The following WNK3 variants were observed in gnomAD, a reference collection of about 807,000 sequenced individuals.
WNK3 encodes WNK lysine deficient protein kinase 3.
A neutral mutation model predicts 116.7 loss-of-function variants in WNK3; 18 were observed. The ratio of observed to expected loss-of-function variants is 0.15; its 90% CI spans 0.11 to 0.23. WNK3 has a LOEUF of 0.23. Among genes scored for constraint, WNK3 ranks in the 10% least tolerant of loss-of-function variants. The pLI is 1.00. For missense variants in WNK3, 993 were observed against 1,323.8 expected (o/e 0.75, Z 3.88); for synonymous variants, 404 against 469.4 (o/e 0.86, Z 1.80).
Position 54,300,799 on chromosome X carries a change from G to T in WNK3, c.1178+972C>A, listed in dbSNP as rs151222114. ...TAAAAATGGGCAAAAGAGTTGAATA[G>T]ATATTTCTGCAAAGATATACAAATG... On this transcript the variant is annotated intron_variant, in intron 6 of 23. Transcript: ENST00000354646. Among the ~76,000 whole-genome samples the T allele has an allele frequency of 4.8e-3, 537 of 111,907 alleles. 3 individuals are homozygous for T. The highest frequency in any genetic ancestry group is 0.016 in the African/African-American group (505 of 30,867).
intron 22 of WNK3, 80 bp from the exon 23 acceptor site, chrX:54,202,273 A>C: frequency 2.1e-6 from 2 of 952,397 alleles, no homozygotes; most frequent in Non-Finnish European, 2.9e-6. Context: ...TTGGCCAACA[A>C]AGCAGTTAAC....
intron 1 of WNK3, among the ~76,000 whole-genome samples, chrX:54,349,622 T>C (rs782301661): frequency 2.7e-5 from 3 of 111,981 alleles, no homozygotes; most frequent in African/African-American, 9.7e-5. Flanking sequence ...GACAAGCTGA[T>C]CCTCTAAAGA....
intron 18 of WNK3, 98 bp from the exon 19 acceptor site, chrX:54,238,570 T>A: frequency 1.2e-6 from 1 of 845,466 alleles, no homozygotes; most frequent in Non-Finnish European, 1.6e-6. Context: ...AGAAAAAGCT[T>A]AACTCCTGCT....
chrX:54,337,444 T>C (rs1483683517), intron 1 of WNK3, among the ~76,000 whole-genome samples: 5 of 108,461 alleles, frequency 4.6e-5, no homozygotes, highest in African/African-American at 1.3e-4. Context: ...GCCTGTAATC[T>C]CAGCTACTCA....
intron 8 of WNK3, 62 bp downstream of exon 8, chrX:54,294,491 A>C (rs1603391857): frequency 1.1e-6 from 1 of 934,688 alleles, no homozygotes; most frequent in East Asian, 3.3e-5. Context: ...CCTTCAAAAT[A>C]AATAAAGATT....
intron 10 of WNK3, among the ~76,000 whole-genome samples, chrX:54,266,607 G>C (rs182900307): frequency 8.3e-4 from 92 of 110,494 alleles, no homozygotes; most frequent in African/African-American, 3.0e-3. Flanking sequence ...ATGTGATTAA[G>C]ACTCACTGCA....
chrX:54,276,550 T>C (rs1557160985), intron 10 of WNK3, among the ~76,000 whole-genome samples: 1 of 110,825 alleles, frequency 9.0e-6, no homozygotes, highest in African/African-American at 3.3e-5. Flanking sequence ...TCAAACAATG[T>C]ATGCAAAGAA....
rs781819338 is a variant in WNK3, at chrX:54,308,021, A to G, written c.990T>C (p.Asp330=). 8 of 1,205,916 alleles carry G rather than the reference A, an allele frequency of 6.6e-6. No individual in the cohort carries two copies. In the Admixed American group the frequency reaches 1.5e-4, roughly 23 times the overall value. Residue 330 remains aspartate, a synonymous_variant, in exon 5 of 24, where the codon GAT becomes GAC. Transcript: ENST00000354646. ...GCATACACATTCCAAAAGCATAAAC[A>G]TCTACGGATTCATCATAGTGTTCTT...
chrX:54,259,136 ACTATCGTCTTTATT>A, intron 11 of WNK3, 124 bp downstream of exon 11: 1 of 320,970 alleles, frequency 3.1e-6, no homozygotes, highest in Non-Finnish European at 5.3e-6. Context: ...AAAAAAAAAA[ACTATCGTCTTTATT>A]AAACATCCAC....
At chrX:54,356,543 A>T (rs1186058327) in intron 1 of WNK3, among the ~76,000 whole-genome samples, 1 of 111,438 alleles carries the variant, frequency 9.0e-6, no homozygotes, top group Non-Finnish European at 1.9e-5. Context: ...GAGTTTAAAC[A>T]ATTTTTAAAC....
intron 15 of WNK3, among the ~76,000 whole-genome samples, chrX:54,250,578 C>T (rs2068118343): frequency 1.8e-5 from 2 of 111,927 alleles, no homozygotes; most frequent in African/African-American, 6.5e-5. Context: ...ATCTTAACTG[C>T]TACTTTGTAA....
At chrX:54,338,197 G>A (rs1022245804) in intron 1 of WNK3, among the ~76,000 whole-genome samples, 16 of 111,049 alleles carry the variant, frequency 1.4e-4, no homozygotes, top group East Asian at 5.6e-4. Flanking sequence ...AGGGCAGGCC[G>A]GTTACCTGAG....
At chrX:54,234,859 A>C (rs1173547341) in intron 20 of WNK3, among the ~76,000 whole-genome samples, 3 of 110,591 alleles carry the variant, frequency 2.7e-5, no homozygotes, top group African/African-American at 6.5e-5. Context: ...CCAAACCAAA[A>C]CAAAACAAAA....
rs148763805 is a variant in WNK3, at chrX:54,210,092, A to G, written c.4871-7899T>C. 4.8e-3 allele frequency among the ~76,000 whole-genome samples: 536 copies of G among 111,473 alleles called. 2 individuals are homozygous for G. The highest frequency in any genetic ancestry group is 0.016 in the African/African-American group (504 of 30,757). On this transcript the variant is annotated intron_variant, in intron 22 of 23. Coordinates refer to ENST00000354646, the Ensembl canonical transcript of WNK3. ...GCTAAGGCCAACAAATGTGTCCACC[A>G]ATCTTGGCCAAATGGGAAAAAGATG...
At chrX:54,301,242 C>CA (rs782232400) in intron 6 of WNK3, among the ~76,000 whole-genome samples, 430 of 34,423 alleles carry the variant, frequency 0.012, 4 homozygotes, top group South Asian at 0.024. Flanking sequence ...GACTCTGTCT[C>CA]AAAAAAAAAA....
rs782678812 is a variant in WNK3, at chrX:54,249,990, T to C, written c.2713+4A>G. The C allele has an allele frequency of 8.3e-7, 1 of 1,200,374 alleles. No homozygotes were observed. The highest frequency in any genetic ancestry group is 1.1e-6 in the Non-Finnish European group (1 of 891,372). On this transcript the variant is annotated splice_donor_region_variant and intron_variant, in intron 16 of 23. Transcript: ENST00000354646. ...GACAAAGCTGGCAGAGAAGAAAAGC[T>C]TACTAGGAAGTGGATGTCGGCCAGG... is the stretch of plus-strand genomic sequence containing the variant.
chrX:54,269,227 C>T (rs2068351485), intron 10 of WNK3, among the ~76,000 whole-genome samples: 1 of 111,306 alleles, frequency 9.0e-6, no homozygotes, highest in Admixed American at 9.6e-5. Context: ...GTTGAAGAAT[C>T]GCTCAAAATT....
rs782476864 is a variant in WNK3, at chrX:54,253,460, A to G, written c.2367+499T>C. Among the ~76,000 whole-genome samples, 311 of 110,138 alleles carry G rather than the reference A, an allele frequency of 2.8e-3. 1 individual carries two copies. Among genetic ancestry groups the G allele is most frequent in the Middle Eastern group, 4.7e-3 (1 of 215 alleles). On this transcript the variant is annotated intron_variant, in intron 13 of 23. Coordinates refer to ENST00000354646, the Ensembl canonical transcript of WNK3. ...TAATTTTTTGTGAAGACAAGGTCTC[A>G]CTCACTACATTGCCTAGGCTGGTCT...
intron 1 of WNK3, chrX:54,343,785 T>C (rs2069365267): frequency 9.1e-6 from 1 of 110,027 alleles, no homozygotes; most frequent in Admixed American, 9.9e-5. Context: ...CTTCAGCCTT[T>C]TGAGTAGCTG....
Sources: gnomAD v4.1 joint callset for allele counts (sites outside exome capture counted in the v4.1 genomes callset) on GRCh38, gnomAD v4.1.1 for gene constraint, MANE v1.5 for transcripts, NCBI Gene and HGNC (gene_info 2026-07-23, HGNC 2026-07-21) for gene names.